Variants in UGT2B17 observed in about 807,000 individuals in gnomAD.
The protein encoded by UGT2B17 is UDP glucuronosyltransferase family 2 member B17.
UGT2B17 carries 21 observed loss-of-function variants against 48.2 expected under a neutral mutation model. The ratio of observed to expected loss-of-function variants is 0.44; its 90% confidence interval spans 0.31 to 0.63. UGT2B17 has a LOEUF of 0.63. UGT2B17 is among the 20% of genes least tolerant of loss of function. The pLI is 0.08. For missense variants in UGT2B17, 402 were observed against 696.1 expected, an observed-to-expected ratio of 0.58 and a Z score of 4.75; for synonymous variants, 146 against 238.4, an observed-to-expected ratio of 0.61 and a Z score of 3.57.
Position 68,539,663 on chromosome 4 carries a change from T to C in UGT2B17, c.1314-1759A>G, listed in dbSNP as rs1182059644. On this transcript the variant is annotated intron_variant, in intron 6 of 6. Coordinates refer to ENST00000317746, the MANE Select transcript of UGT2B17 (RefSeq NM_001077.4). ...TTATCATTTTCTGGATGATTTATAA[T>C]TTGATTCTAGTATGACTAGAACATA... Among the ~76,000 whole-genome samples the C allele has an allele frequency of 2.4e-5, 3 of 124,448 alleles. 1 individual carries two copies. Among genetic ancestry groups the C allele is most frequent in the Non-Finnish European group, 5.1e-5 (3 of 59,292 alleles). The allele number at this position is 124,448 out of a possible 152,430, so 81.6% of individuals were successfully genotyped here.
rs1423841823 is a variant in UGT2B17, at chr4:68,551,073, G to A, written c.1094-177C>T. 2.4e-5 allele frequency among the ~76,000 whole-genome samples: 3 copies of A among 125,726 alleles called. 1 individual carries two copies. Among genetic ancestry groups the A allele is most frequent in the Non-Finnish European group, 5.0e-5 (3 of 59,410 alleles). 82.5% of individuals were successfully genotyped at this position (125,726 alleles called of 152,430 possible). ...AAGAAGCACCTACTTCTGCTGGAAA[G>A]GTAAGTGAAGGCTACATGAAAAGGT... On this transcript the variant is annotated intron_variant, in intron 5 of 6. Transcript: ENST00000317746.
chr4:68,539,783 C>CTTT (rs869200519), intron 6 of UGT2B17, among the ~76,000 whole-genome samples: 3 of 93,784 alleles, frequency 3.2e-5, no homozygotes, highest in Non-Finnish European at 6.3e-5. Flanking sequence ...TACATATAAT[C>CTTT]TTTTTTTTTT....
Position 68,575,264 on chromosome 4 carries a change from A to AGG in UGT2B17, c.-65+685_-65+686dup, listed in dbSNP as rs373190659. Among the ~76,000 whole-genome samples, 100 of 23,758 alleles carry AGG rather than the reference A, an allele frequency of 4.2e-3. 2 individuals are homozygous for AGG. Among genetic ancestry groups the AGG allele is most frequent in the African/African-American group, 0.011 (95 of 8,436 alleles). The allele number at this position is 23,758 out of a possible 152,430, so 15.6% of individuals were successfully genotyped here. A position where few individuals can be genotyped will look rare whatever the true frequency, so the allele number is the denominator to read the frequency against. ...TGCTGCTGTTCTCTTAACTATTGTG[A>AGG]GGGGGGGTGGGGGGAAGGGGTCTAA... On this transcript the variant is annotated intron_variant, in intron 1 of 6. Transcript: ENST00000317746.
At position 68,558,575 on chromosome 4, in the gene UGT2B17, C is replaced by G. The variant is rs1731046761; in HGVS notation, c.1005+1962G>C. 2.4e-5 allele frequency among the ~76,000 whole-genome samples: 3 copies of G among 125,422 alleles called. 1 individual carries two copies. The South Asian group carries it at 1.1e-3, about 46-fold the overall frequency. The allele number at this position is 125,422 out of a possible 152,430, so 82.3% of individuals were successfully genotyped here. A position where few individuals can be genotyped will look rare whatever the true frequency, so the allele number is the denominator to read the frequency against. On this transcript the variant is annotated intron_variant, in intron 4 of 6. Transcript: ENST00000317746. Reference sequence around the variant, plus strand: ...GGATTGTTCTTTTGTTTTTGTTTTTCTCACTTCCTCCCTTTATTTTGTCTT... The same window carrying G: ...GGATTGTTCTTTTGTTTTTGTTTTTGTCACTTCCTCCCTTTATTTTGTCTT...
rs571321895 is a variant in UGT2B17, at chr4:68,552,989, C to T, written c.1006-1078G>A. Reference sequence around the variant, plus strand: ...TGAGGTTTCTTTCCTACTTCTAGGACGACAGAGGGCAGTTTTAGCCTGAAA... The same window carrying T: ...TGAGGTTTCTTTCCTACTTCTAGGATGACAGAGGGCAGTTTTAGCCTGAAA... On this transcript the variant is annotated intron_variant, in intron 4 of 6. Transcript: ENST00000317746. Among the ~76,000 whole-genome samples, 37 of 125,118 alleles carry T rather than the reference C, an allele frequency of 3.0e-4. 10 individuals carry two copies. The highest frequency in any genetic ancestry group is 2.7e-4 in the Non-Finnish European group (16 of 59,268). The allele number at this position is 125,118 out of a possible 152,430, so 82.1% of individuals were successfully genotyped here. A position where few individuals can be genotyped will look rare whatever the true frequency, so the allele number is the denominator to read the frequency against.
chr4:68,566,214 A>C (rs1423381682), intron 2 of UGT2B17, among the ~76,000 whole-genome samples: 2 of 122,076 alleles, frequency 1.6e-5, no homozygotes, highest in Non-Finnish European at 3.4e-5. Context: ...AAATACATTT[A>C]TATAGTCATC....
At position 68,562,297 on chromosome 4, in the gene UGT2B17, G is replaced by A. The variant is rs1416602631; in HGVS notation, c.874-1629C>T. Among the ~76,000 whole-genome samples the A allele has an allele frequency of 1.6e-5, 2 of 123,702 alleles. 1 individual carries two copies. The highest frequency in any genetic ancestry group is 3.4e-5 in the Non-Finnish European group (2 of 58,894). The allele number at this position is 123,702 out of a possible 152,430, so 81.2% of individuals were successfully genotyped here. A position where few individuals can be genotyped will look rare whatever the true frequency, so the allele number is the denominator to read the frequency against. On this transcript the variant is annotated intron_variant, in intron 3 of 6. Transcript: ENST00000317746. ...CGCCTGGCTAATTTTTCTGTTTTTA[G>A]TAGAGACAGGTTTCACCATCTTGGC...
Position 68,570,459 on chromosome 4 carries a change from C to T in UGT2B17, c.-64-1911G>A, listed in dbSNP as rs1350772835. Reference sequence around the variant, plus strand: ...TGGTTTCAGGCCTGGAGCCAGGCTGCCTGTCTTTGGTTTTACTTCTTTGTT... The same window carrying T: ...TGGTTTCAGGCCTGGAGCCAGGCTGTCTGTCTTTGGTTTTACTTCTTTGTT... On this transcript the variant is annotated intron_variant, in intron 1 of 6. Transcript: ENST00000317746. Among the ~76,000 whole-genome samples, 3 of 126,618 alleles carry T rather than the reference C, an allele frequency of 2.4e-5. No individual in the cohort carries two copies. In the Admixed American group the frequency reaches 2.4e-4, roughly 10 times the overall value. 83.1% of individuals were successfully genotyped at this position (126,618 alleles called of 152,430 possible).
intron 4 of UGT2B17, among the ~76,000 whole-genome samples, chr4:68,556,992 T>C (rs748793380): frequency 8.0e-6 from 1 of 125,182 alleles, no homozygotes; most frequent in Non-Finnish European, 1.7e-5. Context: ...AATGACATAA[T>C]TTGGCTTATT....
intron 1 of UGT2B17, among the ~76,000 whole-genome samples, chr4:68,574,995 G>T: frequency 9.0e-6 from 1 of 111,236 alleles, no homozygotes. Flanking sequence ...TTTAAAAAGT[G>T]AACTTTCTTT....
intron 3 of UGT2B17, among the ~76,000 whole-genome samples, chr4:68,564,277 TA>T (rs1731153742): frequency 1.1e-5 from 1 of 88,924 alleles, no homozygotes; most frequent in Admixed American, 1.0e-4. Context: ...AAATTTCATA[TA>T]TATATATATA....
chr4:68,573,896 T>C (rs4860990), intron 1 of UGT2B17, among the ~76,000 whole-genome samples: 121,023 of 124,992 alleles, frequency 0.97, 59,470 homozygotes, highest in South Asian at 1. Context: ...GGATGGCCCT[T>C]GGGGGCTGAC....
rs1433562019 is a variant in UGT2B17, at chr4:68,557,450, A to T, written c.1005+3087T>A. 5.6e-5 allele frequency among the ~76,000 whole-genome samples: 7 copies of T among 125,268 alleles called. 1 individual carries two copies. The highest frequency in any genetic ancestry group is 1.0e-4 in the Non-Finnish European group (6 of 59,134). The allele number at this position is 125,268 out of a possible 152,430, so 82.2% of individuals were successfully genotyped here. A position where few individuals can be genotyped will look rare whatever the true frequency, so the allele number is the denominator to read the frequency against. ...ATATCAAGCAGAACAGGAATTAACT[A>T]CATGGACTGAAATAATAGAAAACTA... On this transcript the variant is annotated intron_variant, in intron 4 of 6. Transcript: ENST00000317746.
rs1160026214 is a variant in UGT2B17 at position 68,539,203 on chromosome 4, CA to C, written c.1314-1300del. Among the ~76,000 whole-genome samples, 8 of 126,144 alleles carry C rather than the reference CA, an allele frequency of 6.3e-5. 1 individual carries two copies. The highest frequency in any genetic ancestry group is 2.2e-4 in the African/African-American group (8 of 37,108). 82.8% of individuals were successfully genotyped at this position (126,144 alleles called of 152,430 possible). On this transcript the variant is annotated intron_variant, in intron 6 of 6. Coordinates refer to ENST00000317746, the MANE Select transcript of UGT2B17 (RefSeq NM_001077.4). ...CAAAAGTGAAAACACCAATTTATCA[CA>C]AACTGCATAGAAGAACTCTTTCCTC...
intron 6 of UGT2B17, among the ~76,000 whole-genome samples, chr4:68,539,027 C>G (rs56194147): frequency 0.33 from 41,489 of 125,216 alleles, 13,489 homozygotes; most frequent in Admixed American, 0.43. Context: ...GATTTCTCTA[C>G]TGCTTCGTTC....
rs1463547967 is a variant in UGT2B17, at chr4:68,542,886, A to G, written c.1314-4982T>C. 2.4e-5 allele frequency among the ~76,000 whole-genome samples: 3 copies of G among 126,778 alleles called. 1 individual carries two copies. The highest frequency in any genetic ancestry group is 3.4e-5 in the Non-Finnish European group (2 of 59,600). The allele number at this position is 126,778 out of a possible 152,430, so 83.2% of individuals were successfully genotyped here. On this transcript the variant is annotated intron_variant, in intron 6 of 6. Transcript: ENST00000317746. ...GATCGAACTGCAAGGCAGCAGTGAG[A>G]CTGGGGGAGGGGCGCCTGCCATTCC... is the stretch of plus-strand genomic sequence containing the variant.
At chr4:68,569,623 G>A (rs1275471809) in intron 1 of UGT2B17, among the ~76,000 whole-genome samples, 2 of 125,046 alleles carry the variant, frequency 1.6e-5, no homozygotes, top group Non-Finnish European at 3.4e-5. Context: ...AAGATGCAAG[G>A]CTGCTTGCAT....
intron 6 of UGT2B17, among the ~76,000 whole-genome samples, chr4:68,542,969 G>A (rs544666000): frequency 3.2e-5 from 4 of 126,564 alleles, no homozygotes; most frequent in Non-Finnish European, 3.4e-5. Flanking sequence ...GGAGCCCACC[G>A]CAGCTCAAGG....
At position 68,565,883 on chromosome 4, in the gene UGT2B17, TAATACATTATATTA is replaced by T. The variant is rs1281901011; in HGVS notation, c.725-177_725-164del. On this transcript the variant is annotated intron_variant, in intron 2 of 6. Coordinates refer to ENST00000317746, the MANE Select transcript of UGT2B17 (RefSeq NM_001077.4). ...TATATATAAATACATTTATATAATA[TAATACATTATATTA>T]AATACATTATATTAAATTAATGTAT... Among the ~76,000 whole-genome samples, 4 of 119,544 alleles carry T rather than the reference TAATACATTATATTA, an allele frequency of 3.3e-5. 1 individual carries two copies. The highest frequency in any genetic ancestry group is 5.1e-5 in the Non-Finnish European group (3 of 58,436). 78.4% of individuals were successfully genotyped at this position (119,544 alleles called of 152,430 possible). A position where few individuals can be genotyped will look rare whatever the true frequency, so the allele number is the denominator to read the frequency against.
Sources: allele counts gnomAD v4.1 joint callset (sites outside exome capture counted in the v4.1 genomes callset), GRCh38; gene constraint gnomAD v4.1.1; transcripts MANE v1.5; gene names NCBI Gene and HGNC (gene_info 2026-07-23, HGNC 2026-07-21).